GPM6A: variants seen among roughly 807,000 people sequenced by gnomAD.
GPM6A encodes neuronal membrane glycoprotein M6-a.
In GPM6A, 7 loss-of-function variants were observed where a neutral mutation model predicts 32.1. The ratio of observed to expected loss-of-function variants is 0.22; its 90% CI spans 0.12 to 0.41. GPM6A has a LOEUF of 0.41. GPM6A is among the 10% of genes least tolerant of loss of function. The pLI is 1.00. For missense variants in GPM6A, 235 were observed against 347.2 expected, an observed-to-expected ratio of 0.68 and a Z score of 2.57; for synonymous variants, 130 against 123.4, an observed-to-expected ratio of 1.05 and a Z score of -0.35.
At chr4:175,673,645 C>A (rs1743202908) in intron 3 of GPM6A, 35 bp downstream of exon 3, 3 of 1,484,816 alleles carry the variant, frequency 2.0e-6, no homozygotes, top group Non-Finnish European at 2.7e-6. Flanking sequence ...TGAAATCAAT[C>A]CACATTAAAT....
At chr4:175,660,433 G>C (rs950915111) in intron 3 of GPM6A, among the ~76,000 whole-genome samples, 1 of 151,748 alleles carries the variant, frequency 6.6e-6, no homozygotes, top group African/African-American at 2.4e-5. Flanking sequence ...AACCAAGTAT[G>C]GCACTAATGA....
intron 1 of GPM6A, among the ~76,000 whole-genome samples, chr4:175,747,321 T>C (rs372489663): frequency 5.9e-5 from 9 of 151,396 alleles, no homozygotes; most frequent in African/African-American, 1.9e-4. Context: ...GTATTTTTCA[T>C]TGCTGTCATA....
At chr4:175,820,054 A>G (rs1175265195) in intron 1 of GPM6A, among the ~76,000 whole-genome samples, 1 of 152,240 alleles carries the variant, frequency 6.6e-6, no homozygotes, top group African/African-American at 2.4e-5. Flanking sequence ...TATGCTTGAT[A>G]GCTTTCGTCA....
intron 1 of GPM6A, among the ~76,000 whole-genome samples, chr4:175,810,547 C>G (rs1734877987): frequency 6.6e-6 from 1 of 152,158 alleles, no homozygotes; most frequent in Non-Finnish European, 1.5e-5. Flanking sequence ...AACATCACAA[C>G]TAATTACATC....
At chr4:175,747,493 A>G (rs748997412) in intron 1 of GPM6A, among the ~76,000 whole-genome samples, 2 of 152,206 alleles carry the variant, frequency 1.3e-5, no homozygotes, top group Non-Finnish European at 2.9e-5. Context: ...AATAATGTGA[A>G]TATTGTAATA....
chr4:175,710,775 G>T (rs1002688960), intron 1 of GPM6A, among the ~76,000 whole-genome samples: 1 of 152,086 alleles, frequency 6.6e-6, no homozygotes, highest in Non-Finnish European at 1.5e-5. Flanking sequence ...CACAACTTTT[G>T]TTACTATTAT....
chr4:175,647,826 A>G (rs1741550140), intron 4 of GPM6A, among the ~76,000 whole-genome samples: 1 of 152,194 alleles, frequency 6.6e-6, no homozygotes. Context: ...GTGGTTATAT[A>G]CATACATTCA....
rs552312383 is a variant in GPM6A at position 175,710,681 on chromosome 4, G to A, written c.38-8914C>T. ...CACCAACTCACAGGAGAGCTGGCTT[G>A]TGGTACCAAATTCTCAGGAGACATA... On this transcript the variant is annotated intron_variant, in intron 1 of 6. Transcript: ENST00000393658. 8.5e-5 allele frequency among the ~76,000 whole-genome samples: 13 copies of A among 152,248 alleles called. No individual in the cohort carries two copies. The South Asian group carries it at 2.7e-3, about 32-fold the overall frequency.
chr4:175,645,374 T>G (rs141507622), intron 4 of GPM6A, among the ~76,000 whole-genome samples: 2 of 152,090 alleles, frequency 1.3e-5, no homozygotes, highest in Non-Finnish European at 2.9e-5. Context: ...ATAAAAACCT[T>G]TGGTGCTTAC....
At chr4:175,847,224 TG>T (rs1736118177) in intron 1 of GPM6A, among the ~76,000 whole-genome samples, 1 of 152,156 alleles carries the variant, frequency 6.6e-6, no homozygotes, top group Non-Finnish European at 1.5e-5. Context: ...AGTTTCTACT[TG>T]TTCACATGCC....
chr4:175,876,453 A>G (rs373071149), intron 1 of GPM6A, among the ~76,000 whole-genome samples: 13 of 152,252 alleles, frequency 8.5e-5, no homozygotes, highest in Admixed American at 1.3e-4. Flanking sequence ...TTTGTCCTCA[A>G]TTTCTGGAGA....
chr4:175,887,981 G>A (rs1383008661), intron 1 of GPM6A, among the ~76,000 whole-genome samples: 1 of 151,816 alleles, frequency 6.6e-6, no homozygotes, highest in Non-Finnish European at 1.5e-5. Context: ...GCAACTTAAT[G>A]CTATATTACT....
chr4:175,731,632 T>C (rs529213236), intron 1 of GPM6A, among the ~76,000 whole-genome samples: 2 of 152,318 alleles, frequency 1.3e-5, no homozygotes. Flanking sequence ...AATAAATTGT[T>C]CATTATTACA....
chr4:175,818,934 A>T (rs1735194130), intron 1 of GPM6A, among the ~76,000 whole-genome samples: 1 of 152,208 alleles, frequency 6.6e-6, no homozygotes, highest in African/African-American at 2.4e-5. Flanking sequence ...GGGAGACAGA[A>T]AAATTCAAGG....
chr4:175,928,082 A>G (rs1344825172), intron 1 of GPM6A, among the ~76,000 whole-genome samples: 1 of 152,128 alleles, frequency 6.6e-6, no homozygotes, highest in Non-Finnish European at 1.5e-5. Context: ...GTTTCTAGAG[A>G]GAAAATAGAT....
chr4:175,856,338 C>T (rs1736415444), intron 1 of GPM6A, among the ~76,000 whole-genome samples: 1 of 152,164 alleles, frequency 6.6e-6, no homozygotes, highest in African/African-American at 2.4e-5. Flanking sequence ...GCCCCTGGCT[C>T]ATTTGCTCAA....
intron 1 of GPM6A, among the ~76,000 whole-genome samples, chr4:175,826,214 T>C (rs527971526): frequency 1.3e-5 from 2 of 152,060 alleles, no homozygotes; most frequent in South Asian, 2.1e-4. Context: ...TCAAAAACCA[T>C]TGGCCACTGA....
At position 175,876,765 on chromosome 4, in the gene GPM6A, G is replaced by A. The variant is rs148271025; in HGVS notation, c.-22-64516C>T. On this transcript the variant is annotated intron_variant, in intron 1 of 7. Transcript: ENST00000280187. Reference sequence around the variant, plus strand: ...ATCCAGCAATTTTTGCCATTGCTCCGAACAACCCGAGTCTTTTTTAAATTT... The same window carrying A: ...ATCCAGCAATTTTTGCCATTGCTCCAAACAACCCGAGTCTTTTTTAAATTT... Among the ~76,000 whole-genome samples, 477 of 152,208 alleles carry A rather than the reference G, an allele frequency of 3.1e-3. 1 individual carries two copies. The highest frequency in any genetic ancestry group is 0.011 in the African/African-American group (457 of 41,534).
intron 4 of GPM6A, chr4:175,642,182 T>C (rs1190801364): frequency 6.6e-6 from 1 of 152,186 alleles, no homozygotes; most frequent in Non-Finnish European, 1.5e-5. Flanking sequence ...CTTTCCTTTC[T>C]GCCAAGATGG....
Sources: allele counts gnomAD v4.1 joint callset (sites outside exome capture counted in the v4.1 genomes callset), GRCh38; gene constraint gnomAD v4.1.1; transcripts MANE v1.5; gene names NCBI Gene and HGNC (gene_info 2026-07-23, HGNC 2026-07-21).